GPD1: variants seen among roughly 807,000 people sequenced by gnomAD.
GPD1 encodes glycerol-3-phosphate dehydrogenase [NAD(+)], cytoplasmic.
GPD1 carries 19 observed loss-of-function variants against 34.4 expected under a neutral mutation model. That is an observed-to-expected ratio of 0.55 (90% CI 0.39 to 0.81). The LOEUF (loss-of-function observed/expected upper bound fraction) is 0.81. Ranked by LOEUF, GPD1 falls within the 30% of genes least tolerant of loss-of-function variation. The probability of loss-of-function intolerance (pLI) is 0.00; values close to 1 mark genes in which losing one functional copy is unlikely to be tolerated. For missense variants in GPD1, 429 were observed against 447.0 expected, an observed-to-expected ratio of 0.96 and a Z score of 0.36; for synonymous variants, 172 against 174.1, an observed-to-expected ratio of 0.99 and a Z score of 0.09.
At chr12:50,106,605 C>T (rs1409985592) in intron 4 of GPD1, among the ~76,000 whole-genome samples, 179 bp downstream of exon 4, 1 of 152,134 alleles carries the variant, frequency 6.6e-6, no homozygotes, top group African/African-American at 2.4e-5. Context: ...CTTAGGGAAA[C>T]ACAGTGATGA....
intron 2 of GPD1, 81 bp downstream of exon 2, chr12:50,104,832 C>T: frequency 8.0e-7 from 1 of 1,245,028 alleles, no homozygotes; most frequent in South Asian, 1.3e-5. Flanking sequence ...ACAGGTGCCT[C>T]CTGCTGAGAG....
In GPD1 at chr12:50,106,341, G is replaced by A. The variant is rs750177685; in HGVS notation, c.414G>A (p.Glu138=). The A allele has an allele frequency of 3.8e-5, 62 of 1,613,026 alleles. No homozygotes were observed. Among genetic ancestry groups the A allele is most frequent in the African/African-American group, 6.7e-5 (5 of 74,844 alleles). ...GLKLISEVIG[E]RLGIPMSVLM... Reference sequence around the variant, plus strand: ...AGCTCATCTCGGAAGTGATTGGGGAGCGCCTCGGCATCCCCATGAGTGTGC... The same window carrying A: ...AGCTCATCTCGGAAGTGATTGGGGAACGCCTCGGCATCCCCATGAGTGTGC... The change falls in exon 4 of 8, where the codon GAG becomes GAA. Residue 138 remains glutamate (E), a synonymous_variant. Coordinates refer to ENST00000301149, the MANE Select transcript of GPD1 (RefSeq NM_005276.4).
Position 50,105,706 on chromosome 12 carries a change from A to T in GPD1, c.360+18A>T. 6.2e-7 allele frequency: 1 copy of T among 1,613,348 alleles called. No homozygotes were observed. The highest frequency in any genetic ancestry group is 8.5e-7 in the Non-Finnish European group (1 of 1,179,390). ...TTATTAAGGTGCCAGGGACACCTTC[A>T]TGTGGATGGGGGAGGGTGCGGCTCA... On this transcript the variant is annotated intron_variant, in intron 3 of 7. Transcript: ENST00000301149.
Position 50,106,397 on chromosome 12 carries a change from C to T in GPD1, c.470C>T (p.Ala157Val). 1 of 1,613,816 alleles carries T rather than the reference C, an allele frequency of 6.2e-7. No homozygotes were observed. Among genetic ancestry groups the T allele is most frequent in the Non-Finnish European group, 8.5e-7 (1 of 1,179,892 alleles). The change falls in exon 4 of 8, where the codon GCT (alanine) becomes GTT (valine). Residue 157 changes from alanine to valine, a missense_variant. Transcript: ENST00000301149. ...GGGGCCAACATTGCCAGCGAGGTGGCTGATGAGAAGTTCTGTGAGACAACC... is the reference window on the plus strand; with the variant it reads ...GGGGCCAACATTGCCAGCGAGGTGGTTGATGAGAAGTTCTGTGAGACAACC... ...LMGANIASEV[A>V]DEKFCETTIG...
rs977075534 is a variant in GPD1, at chr12:50,107,161, T to C, written c.612+244T>C. On this transcript the variant is annotated intron_variant, in intron 5 of 7. Transcript: ENST00000301149. ...GTCCCATTTTAGCCCCGTGTGGGAC[T>C]CCCCACCCTCTGGCTCCAGGAGGTG... 1.9e-5 allele frequency: 13 copies of C among 672,950 alleles called. No individual in the cohort carries two copies. In the East Asian group the frequency reaches 3.8e-4, roughly 20 times the overall value. The allele number at this position is 672,950 out of a possible 1,614,324, so 41.7% of individuals were successfully genotyped here.
At chr12:50,108,570 G>A (rs978758132) in intron 7 of GPD1, among the ~76,000 whole-genome samples, 10 of 152,146 alleles carry the variant, frequency 6.6e-5, no homozygotes, top group Admixed American at 2.6e-4. Flanking sequence ...GAAAGACAGC[G>A]GGGGTGATTG....
intron 4 of GPD1, 83 bp downstream of exon 4, chr12:50,106,509 C>T (rs1853978689): frequency 7.8e-7 from 1 of 1,285,132 alleles, no homozygotes; most frequent in African/African-American, 1.5e-5. Flanking sequence ...TTAGCCATCT[C>T]TTTCCCATAA....
chr12:50,106,342 C>T lies in GPD1; in HGVS notation c.415C>T (p.Arg139Cys), dbSNP rs201742812. The T allele has an allele frequency of 2.7e-5, 43 of 1,612,718 alleles. No homozygotes were observed. Among genetic ancestry groups the T allele is most frequent in the Admixed American group, 5.0e-5 (3 of 59,858 alleles). Residue 139 changes from arginine (R) to cysteine (C), a missense_variant, in exon 4 of 8, where the codon CGC becomes TGC. Arg to Cys is a radical substitution (Grantham distance 180). Transcript: ENST00000301149. ...GCTCATCTCGGAAGTGATTGGGGAG[C>T]GCCTCGGCATCCCCATGAGTGTGCT... Reference protein sequence around the residue: ...LKLISEVIGERLGIPMSVLMG... With the variant: ...LKLISEVIGECLGIPMSVLMG...
In GPD1 at chr12:50,109,359, G is replaced by C. The variant is rs1951005659; in HGVS notation, c.954-64G>C. ...GGGACAGGAGGGTTAGGCAGTGAGT[G>C]GGGGTGGGGGTAGAGTGGACCAGGA... On this transcript the variant is annotated intron_variant, in intron 7 of 7. Coordinates refer to ENST00000301149, the MANE Select transcript of GPD1 (RefSeq NM_005276.4). 1.2e-5 allele frequency: 10 copies of C among 840,386 alleles called. No individual in the cohort carries two copies. In the Admixed American group the frequency reaches 1.7e-4, roughly 14 times the overall value. The allele number at this position is 840,386 out of a possible 1,614,324, so 52.1% of individuals were successfully genotyped here.
Position 50,106,233 on chromosome 12 carries a change from G to C in GPD1, c.361-55G>C, listed in dbSNP as rs17848999. 4.9e-5 allele frequency: 73 copies of C among 1,495,640 alleles called. No homozygotes were observed. The East Asian group carries it at 1.7e-3, about 35-fold the overall frequency. 92.6% of individuals were successfully genotyped at this position (1,495,640 alleles called of 1,614,324 possible). A position where few individuals can be genotyped will look rare whatever the true frequency, so the allele number is the denominator to read the frequency against. ...TTGGAAGGGACAGAATTTCTGGGCG[G>C]AAGCCCGCAGGTGGGCCCAAAGGGC... On this transcript the variant is annotated intron_variant, in intron 3 of 7. Transcript: ENST00000301149.
At chr12:50,105,768 CAG>C in intron 3 of GPD1, 80 bp downstream of exon 3, 1 of 1,374,498 alleles carries the variant, frequency 7.3e-7, no homozygotes, top group Non-Finnish European at 1.0e-6. Flanking sequence ...GCAAGGAGAA[CAG>C]AAAATGGCAG....
chr12:50,105,525 C>G (rs764795976), intron 2 of GPD1, 23 bp from the exon 3 acceptor site: 4 of 1,603,880 alleles, frequency 2.5e-6, no homozygotes, highest in African/African-American at 2.7e-5. Context: ...GCCAGGCCCG[C>G]GAGCACTTGG....
In GPD1 at chr12:50,107,706, C is replaced by A; in HGVS notation, c.752C>A (p.Thr251Asn). The change falls in exon 6 of 8, where the codon ACC becomes AAC. Residue 251 changes from threonine to asparagine, a missense_variant. Thr to Asn is a moderately conservative substitution (Grantham distance 65). Transcript: ENST00000301149. ...LFCSGPVSSA[T>N]FLESCGVADL... ...TGCAGTGGCCCTGTGTCCTCTGCCA[C>A]CTTCTTGGAGAGCTGTGGTGTTGCT... 2 of 1,614,040 alleles carry A rather than the reference C, an allele frequency of 1.2e-6. No individual in the cohort carries two copies. Among genetic ancestry groups the A allele is most frequent in the Non-Finnish European group, 1.7e-6 (2 of 1,179,942 alleles).
rs761893868 is a variant in GPD1 at position 50,104,589 on chromosome 12, C to G, written c.57C>G (p.Ala19=). 1 of 1,613,676 alleles carries G rather than the reference C, an allele frequency of 6.2e-7. No individual in the cohort carries two copies. Among genetic ancestry groups the G allele is most frequent in the Non-Finnish European group, 8.5e-7 (1 of 1,179,632 alleles). ...CTCCCACCAGGGGCTCAGCCATCGCCAAGATCGTGGGTGGCAATGCAGCCC... is the reference window on the plus strand; with the variant it reads ...CTCCCACCAGGGGCTCAGCCATCGCGAAGATCGTGGGTGGCAATGCAGCCC... ...VGSGNWGSAI[A]KIVGGNAAQL... The change falls in exon 2 of 8, where the codon GCC becomes GCG. Residue 19 remains alanine, a synonymous_variant. Coordinates refer to ENST00000301149, the MANE Select transcript of GPD1 (RefSeq NM_005276.4).
intron 3 of GPD1, chr12:50,105,947 G>C (rs542720015): frequency 4.4e-6 from 3 of 679,218 alleles, no homozygotes; most frequent in Non-Finnish European, 8.1e-6. Context: ...ATGCCTGGGA[G>C]ATATGAGAAG....
Position 50,109,776 on chromosome 12 carries a change from A to G in GPD1, c.*257A>G, listed in dbSNP as rs954138718. Reference sequence around the variant, plus strand: ...TCTCCAGATGTGGGGCTTTCTCCATATCCTCTGGGAGGGGTGGAATCAAGC... The same window carrying G: ...TCTCCAGATGTGGGGCTTTCTCCATGTCCTCTGGGAGGGGTGGAATCAAGC... On this transcript the variant is annotated 3_prime_UTR_variant, in exon 8 of 8. Coordinates refer to ENST00000301149, the MANE Select transcript of GPD1 (RefSeq NM_005276.4). 4.4e-6 allele frequency: 2 copies of G among 459,612 alleles called. No homozygotes were observed. The highest frequency in any genetic ancestry group is 3.9e-5 in the African/African-American group (2 of 50,976). The allele number at this position is 459,612 out of a possible 1,614,324, so 28.5% of individuals were successfully genotyped here. A position where few individuals can be genotyped will look rare whatever the true frequency, so the allele number is the denominator to read the frequency against.
intron 7 of GPD1, 30 bp from the exon 8 acceptor site, chr12:50,109,393 C>A: frequency 8.8e-7 from 1 of 1,139,694 alleles, no homozygotes; most frequent in Non-Finnish European, 1.3e-6. Flanking sequence ...GAGTGGGAGG[C>A]TAAGCTGAGC....
chr12:50,109,609 T>G lies in GPD1; in HGVS notation c.*90T>G. 1 of 734,472 alleles carries G rather than the reference T, an allele frequency of 1.4e-6. No individual in the cohort carries two copies. The highest frequency in any genetic ancestry group is 2.5e-6 in the Non-Finnish European group (1 of 399,412). 45.5% of individuals were successfully genotyped at this position (734,472 alleles called of 1,614,324 possible). A position where few individuals can be genotyped will look rare whatever the true frequency, so the allele number is the denominator to read the frequency against. On this transcript the variant is annotated 3_prime_UTR_variant, in exon 8 of 8. Transcript: ENST00000301149. ...ACCTAGTCACCAGGATCTCCAGGACTCCCAGGGAGCAGAGTCTTCTCATCT... is the reference window on the plus strand; with the variant it reads ...ACCTAGTCACCAGGATCTCCAGGACGCCCAGGGAGCAGAGTCTTCTCATCT...
rs757963092 is a variant in GPD1, at chr12:50,105,528, G to T, written c.220-20G>T. 1 of 1,606,256 alleles carries T rather than the reference G, an allele frequency of 6.2e-7. No individual in the cohort carries two copies. The highest frequency in any genetic ancestry group is 1.1e-5 in the South Asian group (1 of 90,732). On this transcript the variant is annotated intron_variant, in intron 2 of 7. Transcript: ENST00000301149. The stretch of plus-strand genomic sequence containing the variant: ...TAGGGGAGGTCTGCCAGGCCCGCGA[G>T]CACTTGGTCACCCCCACAGGTGGCT...
Sources: allele counts gnomAD v4.1 joint callset (sites outside exome capture counted in the v4.1 genomes callset), GRCh38; gene constraint gnomAD v4.1.1; transcripts MANE v1.5; gene names NCBI Gene and HGNC (gene_info 2026-07-23, HGNC 2026-07-21).